Variants in CDH13 observed in about 807,000 individuals in gnomAD.
CDH13 encodes cadherin 13, also known as cadherin-13.
CDH13 carries 24 observed loss-of-function variants against 63.8 expected under a neutral mutation model. The observed-to-expected ratio is 0.38, with a 90% CI of 0.27 to 0.53. The LOEUF (loss-of-function observed/expected upper bound fraction) is 0.53. CDH13 is among the 20% of genes least tolerant of loss of function. CDH13 has a pLI of 0.85. For synonymous variants in CDH13, 503 were observed against 355.3 expected (o/e 1.42, Z -4.67); for missense variants, 1,049 against 903.1 (o/e 1.16, Z -2.07).
chr16:82,936,749 A>G (rs1479041164), intron 2 of CDH13, among the ~76,000 whole-genome samples: 11 of 152,220 alleles, frequency 7.2e-5, no homozygotes, highest in Admixed American at 4.6e-4. Context: ...CTGTGAGAAT[A>G]GGTAGAATCA....
chr16:82,694,565 C>T (rs1025078733), intron 1 of CDH13, among the ~76,000 whole-genome samples: 3 of 152,184 alleles, frequency 2.0e-5, no homozygotes, highest in Non-Finnish European at 4.4e-5. Context: ...TTCCCTTCCT[C>T]CCAGGCCCAT....
chr16:83,452,673 T>C (rs564253717), intron 6 of CDH13, among the ~76,000 whole-genome samples: 2 of 152,292 alleles, frequency 1.3e-5, no homozygotes, highest in Non-Finnish European at 2.9e-5. Context: ...TTAAAGAAGC[T>C]TGCAATTAAA....
At position 83,414,935 on chromosome 16, in the gene CDH13, G is replaced by T. The variant is rs1345935206; in HGVS notation, c.781+69929G>T. Among the ~76,000 whole-genome samples the T allele has an allele frequency of 2.0e-5, 3 of 152,176 alleles. No homozygotes were observed. In the East Asian group the frequency reaches 5.8e-4, roughly 29 times the overall value. ...GAAGATCCTGATTTCAATATTTTTG[G>T]ACAAATACCCAGAAGTGGGTTGCTG... is the stretch of plus-strand genomic sequence containing the variant. On this transcript the variant is annotated intron_variant, in intron 6 of 13. Coordinates refer to ENST00000567109, the MANE Select transcript of CDH13 (RefSeq NM_001257.5).
intron 5 of CDH13, among the ~76,000 whole-genome samples, chr16:83,237,877 A>T (rs1373796996): frequency 1.3e-5 from 2 of 152,214 alleles, no homozygotes; most frequent in East Asian, 3.9e-4. Context: ...GTCTTTGGGT[A>T]TTGATAACTT....
chr16:83,670,132 A>T lies in CDH13; in HGVS notation c.1102-658A>T, dbSNP rs551794945. ...CTTAGAAAATGGTTTCTAAGATCAT[A>T]TTAAAACTGGATATGGAGTGGGAAG... On this transcript the variant is annotated intron_variant, in intron 8 of 13. Transcript: ENST00000567109. Among the ~76,000 whole-genome samples, 3 of 152,346 alleles carry T rather than the reference A, an allele frequency of 2.0e-5. No homozygotes were observed. The East Asian group carries it at 5.8e-4, about 29-fold the overall frequency.
rs56382330 is a variant in CDH13 at position 83,271,422 on chromosome 16, TAA to T, written c.636+53954_636+53955del. 9.6e-3 allele frequency among the ~76,000 whole-genome samples: 249 copies of T among 25,992 alleles called. 13 individuals are homozygous for T. Among genetic ancestry groups the T allele is most frequent in the African/African-American group, 0.016 (117 of 7,454 alleles). 17.1% of individuals were successfully genotyped at this position (25,992 alleles called of 152,430 possible). Reference sequence around the variant, plus strand: ...CTACCGCACATTGAGGCAGAGTTCATAAAAAAAAAAAAAAAAAAAAAAAAAAA... The same window carrying T: ...CTACCGCACATTGAGGCAGAGTTCATAAAAAAAAAAAAAAAAAAAAAAAAA... On this transcript the variant is annotated intron_variant, in intron 5 of 13. Transcript: ENST00000567109.
chr16:83,314,151 T>G (rs1056482586), intron 5 of CDH13, among the ~76,000 whole-genome samples: 1 of 152,232 alleles, frequency 6.6e-6, no homozygotes, highest in African/African-American at 2.4e-5. Context: ...ATGTTGTGTC[T>G]AGTATTATTT....
At chr16:83,500,318 C>T (rs773206161) in intron 7 of CDH13, among the ~76,000 whole-genome samples, 13 of 354 alleles carry the variant, frequency 0.037, 4 homozygotes, top group South Asian at 0.5. Flanking sequence ...CCTTCTCCTT[C>T]TCCTCCTCCT....
chr16:82,652,758 T>C (rs1472595982), intron 1 of CDH13, among the ~76,000 whole-genome samples: 1 of 152,058 alleles, frequency 6.6e-6, no homozygotes, highest in Non-Finnish European at 1.5e-5. Flanking sequence ...AGCCTTTTTA[T>C]TTTTCCTCTG....
chr16:83,628,522 C>G (rs150859378), intron 8 of CDH13, among the ~76,000 whole-genome samples: 1 of 152,086 alleles, frequency 6.6e-6, no homozygotes, highest in East Asian at 1.9e-4. Flanking sequence ...TCCTACAGAC[C>G]TGGGAGGAAG....
At chr16:83,272,385 A>G (rs1204854571) in intron 5 of CDH13, among the ~76,000 whole-genome samples, 1 of 152,228 alleles carries the variant, frequency 6.6e-6, no homozygotes, top group African/African-American at 2.4e-5. Context: ...AACCAGGAGG[A>G]CAGCGTTCCA....
chr16:83,235,661 A>G (rs1477426726), intron 5 of CDH13, among the ~76,000 whole-genome samples: 1 of 148,638 alleles, frequency 6.7e-6, no homozygotes, highest in Non-Finnish European at 1.5e-5. Context: ...AGCAAAGGCC[A>G]TTTGTCTTTG....
chr16:83,739,355 C>T (rs943124273), intron 10 of CDH13, among the ~76,000 whole-genome samples: 1 of 152,154 alleles, frequency 6.6e-6, no homozygotes, highest in African/African-American at 2.4e-5. Context: ...TAAGCACGTC[C>T]GGTGTGACCC....
At chr16:82,695,889 C>T (rs1014951606) in intron 1 of CDH13, among the ~76,000 whole-genome samples, 3 of 152,176 alleles carry the variant, frequency 2.0e-5, no homozygotes, top group Non-Finnish European at 2.9e-5. Context: ...GTTAAATCAA[C>T]CATAACCCAT....
At chr16:83,513,846 A>G (rs1000060728) in intron 7 of CDH13, among the ~76,000 whole-genome samples, 1 of 152,222 alleles carries the variant, frequency 6.6e-6, no homozygotes, top group African/African-American at 2.4e-5. Context: ...TAGGCCGCAG[A>G]TCACCTTTAT....
intron 1 of CDH13, among the ~76,000 whole-genome samples, chr16:82,696,080 G>T (rs2150983727): frequency 6.6e-6 from 1 of 152,246 alleles, no homozygotes; most frequent in South Asian, 2.1e-4. Flanking sequence ...AGATGTGCTT[G>T]ACCAGGGAAA....
intron 2 of CDH13, among the ~76,000 whole-genome samples, chr16:82,861,503 A>G (rs1410968549): frequency 6.6e-6 from 1 of 152,194 alleles, no homozygotes; most frequent in East Asian, 1.9e-4. Context: ...GTTATGGGGA[A>G]TGTTTATTCT....
rs182416422 is a variant in CDH13, at chr16:83,110,282, G to A, written c.367-15103G>A. 4.4e-3 allele frequency among the ~76,000 whole-genome samples: 674 copies of A among 152,276 alleles called. 6 individuals carry two copies. Among genetic ancestry groups the A allele is most frequent in the African/African-American group, 0.015 (643 of 41,550 alleles). Reference sequence around the variant, plus strand: ...TTTAAAATACTCAAGAGTCACTTACGATGTTTAATTGGCATGTCTGTCTTT... The same window carrying A: ...TTTAAAATACTCAAGAGTCACTTACAATGTTTAATTGGCATGTCTGTCTTT... On this transcript the variant is annotated intron_variant, in intron 3 of 13. Coordinates refer to ENST00000567109, the MANE Select transcript of CDH13 (RefSeq NM_001257.5).
At chr16:83,495,146 C>G (rs754137823) in intron 7 of CDH13, among the ~76,000 whole-genome samples, 6 of 152,176 alleles carry the variant, frequency 3.9e-5, no homozygotes, top group Admixed American at 6.5e-5. Flanking sequence ...GCCACTGACT[C>G]AGCCCTCAGG....
Sources: allele counts gnomAD v4.1 joint callset (sites outside exome capture counted in the v4.1 genomes callset), GRCh38; gene constraint gnomAD v4.1.1; transcripts MANE v1.5; gene names NCBI Gene and HGNC (gene_info 2026-07-23, HGNC 2026-07-21).